Variants in CHODL observed in about 807,000 individuals in gnomAD.
CHODL encodes chondrolectin, also known as transmembrane protein MT75.
CHODL carries 29 observed loss-of-function variants against 34.5 expected under a neutral mutation model. The ratio of observed to expected loss-of-function variants is 0.84; its 90% CI spans 0.63 to 1.15. The LOEUF (loss-of-function observed/expected upper bound fraction) is 1.15, where lower values mean the gene tolerates loss of function less well. Ranked by LOEUF, CHODL falls within the 50% of genes most tolerant of loss-of-function variation. The pLI is 0.00. For missense variants in CHODL, 332 were observed against 332.5 expected, an observed-to-expected ratio of 1.00 and a Z score of 0.01; for synonymous variants, 125 against 116.1, an observed-to-expected ratio of 1.08 and a Z score of -0.49.
At chr21:18,131,762 A>T (rs1364651256) in intron 2 of CHODL, among the ~76,000 whole-genome samples, 1 of 152,128 alleles carries the variant, frequency 6.6e-6, no homozygotes. Context: ...TTCTGTTTTC[A>T]GTCTGATCCA....
At chr21:18,032,869 A>C (rs1033858499) in intron 2 of CHODL, among the ~76,000 whole-genome samples, 3 of 151,986 alleles carry the variant, frequency 2.0e-5, no homozygotes, top group African/African-American at 7.2e-5. Flanking sequence ...TGACATTTGC[A>C]TGGCATTCAT....
chr21:18,123,677 A>C (rs1196570916), intron 2 of CHODL, among the ~76,000 whole-genome samples: 1 of 152,150 alleles, frequency 6.6e-6, no homozygotes, highest in African/African-American at 2.4e-5. Context: ...AATGGCATTA[A>C]TTTATTTATA....
chr21:18,024,264 T>C (rs1477545376), intron 1 of CHODL, among the ~76,000 whole-genome samples: 1 of 152,212 alleles, frequency 6.6e-6, no homozygotes, highest in Non-Finnish European at 1.5e-5. Context: ...GTCTCACTTG[T>C]TTGCCTATAC....
chr21:18,024,449 T>C (rs369846936), intron 1 of CHODL, among the ~76,000 whole-genome samples: 1 of 152,304 alleles, frequency 6.6e-6, no homozygotes, highest in Middle Eastern at 3.4e-3. Flanking sequence ...CATATACATA[T>C]GAAAACATAA....
At position 18,214,832 on chromosome 21, in the gene CHODL, G is replaced by A. The variant is rs183891046; in HGVS notation, c.-44-41677G>A. On this transcript the variant is annotated intron_variant, in intron 2 of 6. Coordinates refer to the CHODL transcript ENST00000400127. ...TCACCTTATGTCCCTAACTTACAGC[G>A]TAGACCAATCTCACACACAGCTGCA... 4.0e-3 allele frequency among the ~76,000 whole-genome samples: 606 copies of A among 152,064 alleles called. 19 individuals are homozygous for A. In the South Asian group the frequency reaches 0.09, roughly 23 times the overall value.
chr21:18,236,795 C>T (rs1264654685), intron 2 of CHODL, among the ~76,000 whole-genome samples: 2 of 152,044 alleles, frequency 1.3e-5, no homozygotes, highest in Admixed American at 1.3e-4. Context: ...TATAAGATAT[C>T]CTCAATGAAA....
chr21:17,951,568 G>A (rs2063457916), intron 1 of CHODL, among the ~76,000 whole-genome samples: 1 of 152,108 alleles, frequency 6.6e-6, no homozygotes, highest in South Asian at 2.1e-4. Flanking sequence ...AGATTTAGCA[G>A]GCAGACTTTA....
chr21:18,223,824 C>A (rs1439765878), intron 2 of CHODL, among the ~76,000 whole-genome samples: 1 of 151,942 alleles, frequency 6.6e-6, no homozygotes, highest in Non-Finnish European at 1.5e-5. Context: ...TTGACTAATA[C>A]AAGAAGGCAG....
chr21:17,985,754 T>C (rs1009192570), intron 1 of CHODL, among the ~76,000 whole-genome samples: 3 of 152,200 alleles, frequency 2.0e-5, no homozygotes, highest in Non-Finnish European at 4.4e-5. Context: ...AAAATAGCTC[T>C]TGGGGAAATA....
chr21:17,925,767 C>G (rs2063217598), intron 1 of CHODL, among the ~76,000 whole-genome samples: 1 of 152,086 alleles, frequency 6.6e-6, no homozygotes. Flanking sequence ...ATAAGTGAGC[C>G]ACACACTTTC....
At chr21:17,999,643 C>T (rs1466816075) in intron 1 of CHODL, among the ~76,000 whole-genome samples, 1 of 152,148 alleles carries the variant, frequency 6.6e-6, no homozygotes, top group Non-Finnish European at 1.5e-5. Context: ...ACAGAAACCC[C>T]TGATAAAAGC....
intron 2 of CHODL, among the ~76,000 whole-genome samples, chr21:18,187,712 A>G (rs758260641): frequency 1.3e-5 from 2 of 152,082 alleles, no homozygotes; most frequent in Non-Finnish European, 2.9e-5. Context: ...TCTCTGTTCT[A>G]TTGCAAATCT....
intron 1 of CHODL, among the ~76,000 whole-genome samples, chr21:18,017,339 TAGTG>T (rs977353873): frequency 6.6e-6 from 1 of 152,210 alleles, no homozygotes; most frequent in African/African-American, 2.4e-5. Context: ...GTTCTTGTGA[TAGTG>T]AGGGAGTTTT....
chr21:18,032,941 G>C (rs982055488), intron 2 of CHODL, among the ~76,000 whole-genome samples: 1 of 151,996 alleles, frequency 6.6e-6, no homozygotes, highest in South Asian at 2.1e-4. Flanking sequence ...TATTTAAAAC[G>C]TAGCAGTGAA....
intron 2 of CHODL, among the ~76,000 whole-genome samples, chr21:18,169,231 G>A (rs931861946): frequency 6.6e-6 from 1 of 151,896 alleles, no homozygotes; most frequent in African/African-American, 2.4e-5. Flanking sequence ...ATTTTTTCTT[G>A]AGTCAGTTTT....
intron 1 of CHODL, among the ~76,000 whole-genome samples, chr21:18,251,279 TTAATAA>T (rs1318290108): frequency 6.7e-6 from 1 of 150,296 alleles, no homozygotes; most frequent in Non-Finnish European, 1.5e-5. Context: ...GATAGGAGTG[TTAATAA>T]TAATAACTTT....
chr21:18,107,050 C>G (rs890751366), intron 2 of CHODL, among the ~76,000 whole-genome samples: 5 of 152,132 alleles, frequency 3.3e-5, no homozygotes, highest in South Asian at 4.2e-4. Flanking sequence ...TCTGGAGAAC[C>G]CTCTCCCTAA....
At chr21:18,230,836 A>T (rs1032061464) in intron 2 of CHODL, among the ~76,000 whole-genome samples, 1 of 152,148 alleles carries the variant, frequency 6.6e-6, no homozygotes, top group Non-Finnish European at 1.5e-5. Flanking sequence ...ATTATAGACT[A>T]AAATTATTTT....
intron 2 of CHODL, among the ~76,000 whole-genome samples, chr21:18,070,513 T>C (rs2064790577): frequency 6.6e-6 from 1 of 152,112 alleles, no homozygotes; most frequent in Non-Finnish European, 1.5e-5. Context: ...AAGCAAATAT[T>C]TCATAATGGG....
Sources: allele counts gnomAD v4.1 joint callset (sites outside exome capture counted in the v4.1 genomes callset), GRCh38; gene constraint gnomAD v4.1.1; transcripts MANE v1.5; gene names NCBI Gene and HGNC (gene_info 2026-07-23, HGNC 2026-07-21).